YWHAZ: variants seen among roughly 807,000 people sequenced by gnomAD.
The protein encoded by YWHAZ is 14-3-3 protein zeta/delta.
For synonymous variants in YWHAZ, 87 were observed against 103.6 expected (o/e 0.84, Z 0.97); for missense variants, 79 against 284.8 (o/e 0.28, Z 5.20).
In YWHAZ at chr8:100,922,367, C is replaced by G. The variant is rs1049202156; in HGVS notation, c.678+1588G>C. On this transcript the variant is annotated intron_variant, in intron 5 of 5. Coordinates refer to ENST00000395958, the MANE Select transcript of YWHAZ (RefSeq NM_145690.3). This position sits in a 1 kb window ranked among gnomAD's most constrained non-coding sequence, Gnocchi z 4.1. ...ATACAAGTAGTGACAGAATTAGAAT[C>G]AAAACCCTGGTTTTTTCTTTTCTTT... 2 of 143,616 alleles carry G rather than the reference C, an allele frequency of 1.4e-5. No homozygotes were observed. Among genetic ancestry groups the G allele is most frequent in the Non-Finnish European group, 3.0e-5 (2 of 66,734 alleles). 8.9% of individuals were successfully genotyped at this position (143,616 alleles called of 1,614,324 possible). A position where few individuals can be genotyped will look rare whatever the true frequency, so the allele number is the denominator to read the frequency against.
At chr8:100,950,736 A>G (rs1056865992) in intron 1 of YWHAZ, among the ~76,000 whole-genome samples, 5 of 149,452 alleles carry the variant, frequency 3.3e-5, no homozygotes, top group Non-Finnish European at 7.4e-5. Flanking sequence ...AAGCGGAACC[A>G]CTACCAGCCC....
At position 100,946,537 on chromosome 8, in the gene YWHAZ, G is replaced by A. The variant is rs189286158; in HGVS notation, c.294+2059C>T. On this transcript the variant is annotated intron_variant, in intron 2 of 5. Transcript: ENST00000395958. ...TTGCACTCCAGCCTGGGTGACAAGA[G>A]CAAAACTCAGTCTCAAAACAAACAA... Among the ~76,000 whole-genome samples, 238 of 152,100 alleles carry A rather than the reference G, an allele frequency of 1.6e-3. 2 individuals carry two copies. Among genetic ancestry groups the A allele is most frequent in the Admixed American group, 2.5e-3 (38 of 15,278 alleles).
chr8:100,939,006 A>G (rs1356196260), intron 2 of YWHAZ, among the ~76,000 whole-genome samples: 1 of 152,272 alleles, frequency 6.6e-6, no homozygotes, highest in Non-Finnish European at 1.5e-5. Flanking sequence ...CTAATCACTT[A>G]ACGCATTTTC....
At chr8:100,952,286 C>T (rs1810854470), upstream of YWHAZ, 5 of 394,184 alleles carry the variant, frequency 1.3e-5, no homozygotes, top group Admixed American at 6.4e-5. Context: ...CTTCCAGCTC[C>T]TCTACGCTTG....
rs1586086712 is a variant in YWHAZ, at chr8:100,923,890, T to A, written c.678+65A>T. The A allele has an allele frequency of 1.4e-5, 19 of 1,341,800 alleles. No individual in the cohort carries two copies. In the East Asian group the frequency reaches 3.4e-4, roughly 24 times the overall value. The allele number at this position is 1,341,800 out of a possible 1,614,324, so 83.1% of individuals were successfully genotyped here. ...AAGATGTATTTAATAAAAAAAAAAATTCCCTAGAGTAAAACATAACCTCTT... is the reference window on the plus strand; with the variant it reads ...AAGATGTATTTAATAAAAAAAAAAAATCCCTAGAGTAAAACATAACCTCTT... On this transcript the variant is annotated intron_variant, in intron 5 of 5. Coordinates refer to ENST00000395958, the MANE Select transcript of YWHAZ (RefSeq NM_145690.3).
At chr8:100,925,164 CA>C in intron 2 of YWHAZ, 125 bp from the exon 3 acceptor site, 1 of 1,004,188 alleles carries the variant, frequency 1.0e-6, no homozygotes, top group Middle Eastern at 2.5e-4. Flanking sequence ...ACTGTCAATA[CA>C]ATTGTGAATG....
chr8:100,951,850 G>A (rs889080920), intron 1 of YWHAZ, 79 bp downstream of exon 1: 4 of 986,806 alleles, frequency 4.1e-6, no homozygotes, highest in Non-Finnish European at 4.8e-6. Flanking sequence ...ATGAGGGGAC[G>A]GAGCGAGGAC....
At chr8:100,950,293 C>T in intron 1 of YWHAZ, 1 of 834,758 alleles carries the variant, frequency 1.2e-6, no homozygotes, top group Non-Finnish European at 1.4e-6. Flanking sequence ...GATTCTCTCC[C>T]CAATCACTTC....
rs886467337 is a variant in YWHAZ at position 100,949,322 on chromosome 8, TATC to T, written c.-11-425_-11-423del. Among the ~76,000 whole-genome samples, 18 of 152,370 alleles carry T rather than the reference TATC, an allele frequency of 1.2e-4. No individual in the cohort carries two copies. In the East Asian group the frequency reaches 1.5e-3, roughly 13 times the overall value. ...TGTTTACAGAGAACATCTGGATTTCTATCATATTTCCAGAATCATAATTCATAT... is the reference window on the plus strand; with the variant it reads ...TGTTTACAGAGAACATCTGGATTTCTATATTTCCAGAATCATAATTCATAT... On this transcript the variant is annotated intron_variant, in intron 1 of 5. Transcript: ENST00000395958.
chr8:100,920,640 A>G lies in YWHAZ; in HGVS notation c.*53T>C. On this transcript the variant is annotated 3_prime_UTR_variant, in exon 6 of 6. Coordinates refer to ENST00000395958, the MANE Select transcript of YWHAZ (RefSeq NM_145690.3). ...TATTTGTGGGACAGCATGGATGACAAATGGTCTACTGTGTAAATTTTAGAA... is the reference window on the plus strand; with the variant it reads ...TATTTGTGGGACAGCATGGATGACAGATGGTCTACTGTGTAAATTTTAGAA... 3 of 1,390,052 alleles carry G rather than the reference A, an allele frequency of 2.2e-6. No individual in the cohort carries two copies. The highest frequency in any genetic ancestry group is 1.2e-5 in the South Asian group (1 of 85,664). 86.1% of individuals were successfully genotyped at this position (1,390,052 alleles called of 1,614,324 possible). A position where few individuals can be genotyped will look rare whatever the true frequency, so the allele number is the denominator to read the frequency against.
At chr8:100,944,772 C>G (rs1252608712) in intron 2 of YWHAZ, among the ~76,000 whole-genome samples, 1 of 152,132 alleles carries the variant, frequency 6.6e-6, no homozygotes, top group Non-Finnish European at 1.5e-5. Context: ...GGTGCTTTAC[C>G]TGACTCTCAT....
rs1812814361 is a variant in YWHAZ at position 100,918,449 on chromosome 8, T to A, written c.*2244A>T. 1 of 125,394 alleles carries A rather than the reference T, an allele frequency of 8.0e-6. No homozygotes were observed. Among genetic ancestry groups the A allele is most frequent in the Non-Finnish European group, 1.7e-5 (1 of 58,604 alleles). 7.8% of individuals were successfully genotyped at this position (125,394 alleles called of 1,614,324 possible). A position where few individuals can be genotyped will look rare whatever the true frequency, so the allele number is the denominator to read the frequency against. ...ATATATATATATATATATATAATTA[T>A]TTTACCTCCTTGGCTTGGGGGTCAG... On this transcript the variant is annotated 3_prime_UTR_variant, in exon 6 of 6. Transcript: ENST00000395958.
intron 5 of YWHAZ, chr8:100,923,685 TAG>T (rs1222383280): frequency 3.7e-6 from 1 of 267,212 alleles, no homozygotes; most frequent in Admixed American, 4.9e-5. Flanking sequence ...CTAAAACATG[TAG>T]AGTCTCAGCA....
At position 100,919,027 on chromosome 8, in the gene YWHAZ, C is replaced by G. The variant is rs1812849361; in HGVS notation, c.*1666G>C. ...GTAGGGTTTTAAAGGGAGATAAACA[C>G]AGTCTCATCAACTAAGGAGAGATTT... On this transcript the variant is annotated 3_prime_UTR_variant, in exon 6 of 6. Transcript: ENST00000395958. The G allele has an allele frequency of 6.6e-6, 1 of 152,236 alleles. No homozygotes were observed. Among genetic ancestry groups the G allele is most frequent in the Non-Finnish European group, 1.5e-5 (1 of 68,042 alleles). The allele number at this position is 152,236 out of a possible 1,614,324, so 9.4% of individuals were successfully genotyped here.
intron 2 of YWHAZ, among the ~76,000 whole-genome samples, chr8:100,936,563 G>A (rs999600316): frequency 7.9e-5 from 12 of 152,120 alleles, no homozygotes; most frequent in Non-Finnish European, 5.9e-5. Flanking sequence ...CTCCTTGGGA[G>A]GCTAAGGCGG....
At position 100,919,310 on chromosome 8, in the gene YWHAZ, A is replaced by G. The variant is rs1226322322; in HGVS notation, c.*1383T>C. 4 of 152,666 alleles carry G rather than the reference A, an allele frequency of 2.6e-5. No individual in the cohort carries two copies. The highest frequency in any genetic ancestry group is 9.6e-5 in the African/African-American group (4 of 41,452). The allele number at this position is 152,666 out of a possible 1,614,324, so 9.5% of individuals were successfully genotyped here. On this transcript the variant is annotated 3_prime_UTR_variant, in exon 6 of 6. Coordinates refer to ENST00000395958, the MANE Select transcript of YWHAZ (RefSeq NM_145690.3). ...AGAAATTCTTAAAAACCAAAAAGTG[A>G]TTTGGAAGCACAAAACTTACAGTTA...
At chr8:100,939,573 C>T (rs1489387493) in intron 2 of YWHAZ, among the ~76,000 whole-genome samples, 1 of 151,896 alleles carries the variant, frequency 6.6e-6, no homozygotes, top group East Asian at 1.9e-4. Context: ...GCAGGAGAAT[C>T]GCTTGAACCC....
intron 1 of YWHAZ, chr8:100,950,374 G>C: frequency 1.0e-6 from 1 of 985,472 alleles, no homozygotes; most frequent in Non-Finnish European, 1.2e-6. Flanking sequence ...CTACACTGCG[G>C]GCAGGACTCA....
chr8:100,942,895 T>C (rs1376638764), intron 2 of YWHAZ, among the ~76,000 whole-genome samples: 1 of 152,230 alleles, frequency 6.6e-6, no homozygotes, highest in Non-Finnish European at 1.5e-5. Context: ...AAAAAGATGT[T>C]TATAATTTAG....
Sources: allele counts gnomAD v4.1 joint callset (sites outside exome capture counted in the v4.1 genomes callset), GRCh38; gene constraint gnomAD v4.1.1; non-coding constraint Gnocchi (gnomAD v3.1); transcripts MANE v1.5; gene names NCBI Gene and HGNC (gene_info 2026-07-23, HGNC 2026-07-21).